GASK1A: variants seen among roughly 807,000 people sequenced by gnomAD.
GASK1A encodes the protein Golgi-associated kinase 1A.
Under a neutral mutation model 41.2 loss-of-function variants are expected in GASK1A, and 40 were observed. The ratio of observed to expected loss-of-function variants is 0.97; its 90% confidence interval spans 0.75 to 1.27. The LOEUF (loss-of-function observed/expected upper bound fraction) is 1.27, where lower values mean the gene tolerates loss of function less well. Among genes scored for constraint, GASK1A ranks in the 50% most tolerant of loss-of-function variants. The pLI, the probability that GASK1A is intolerant of heterozygous loss-of-function variation, is 0.00. For missense variants in GASK1A, 678 were observed against 745.1 expected, an observed-to-expected ratio of 0.91 and a Z score of 1.05; for synonymous variants, 316 against 307.1, an observed-to-expected ratio of 1.03 and a Z score of -0.30.
chr3:43,037,778 A>C (rs2089612679), intron 2 of GASK1A, among the ~76,000 whole-genome samples: 1 of 152,206 alleles, frequency 6.6e-6, no homozygotes, highest in African/African-American at 2.4e-5. Context: ...AAAGAAAACA[A>C]ATTTTGGCAG....
chr3:43,015,090 A>T (rs1226766414), intron 1 of GASK1A, among the ~76,000 whole-genome samples: 1 of 151,896 alleles, frequency 6.6e-6, no homozygotes, highest in Non-Finnish European at 1.5e-5. Flanking sequence ...GGCAGTGTGA[A>T]GCCACAGGAA....
chr3:43,047,225 C>A (rs1452081318), intron 2 of GASK1A, among the ~76,000 whole-genome samples: 1 of 152,206 alleles, frequency 6.6e-6, no homozygotes, highest in Admixed American at 6.5e-5. Context: ...CCGGTGAGAG[C>A]AGTCAGGAGG....
intron 1 of GASK1A, among the ~76,000 whole-genome samples, chr3:42,993,941 A>G (rs2089355379): frequency 6.6e-6 from 1 of 152,288 alleles, no homozygotes. Context: ...TCATCCTTTC[A>G]ATGTTAAGAC....
Position 43,032,442 on chromosome 3 carries a change from T to G in GASK1A, c.179T>G (p.Ile60Ser). The change falls in exon 2 of 5, where the codon ATC (isoleucine) becomes AGC (serine). Residue 60 changes from isoleucine to serine, a missense_variant. Physicochemically the swap from Ile to Ser is moderately radical, Grantham distance 142. Transcript: ENST00000430121. ...QGVTGAPATH[I>S]RQALSSSRRQ... ...GTAACTGGCGCCCCTGCAACCCATA[T>G]CCGGCAGGCTTTGAGCTCCAGCCGG... 1.9e-6 allele frequency: 3 copies of G among 1,551,046 alleles called. No individual in the cohort carries two copies. The highest frequency in any genetic ancestry group is 2.6e-6 in the Non-Finnish European group (3 of 1,146,538).
intron 3 of GASK1A, among the ~76,000 whole-genome samples, chr3:43,054,658 C>G (rs2089707606): frequency 6.6e-6 from 1 of 152,142 alleles, no homozygotes; most frequent in Non-Finnish European, 1.5e-5. Flanking sequence ...CTTTTGGAGG[C>G]TATTTGGGAA....
At chr3:43,027,646 C>A (rs1352883675) in intron 1 of GASK1A, among the ~76,000 whole-genome samples, 1 of 151,820 alleles carries the variant, frequency 6.6e-6, no homozygotes, top group Admixed American at 6.6e-5. Context: ...AAGAACCAGA[C>A]AATTAAGGGC....
intron 1 of GASK1A, among the ~76,000 whole-genome samples, chr3:43,005,669 G>A (rs2089432387): frequency 6.6e-6 from 1 of 152,166 alleles, no homozygotes. Context: ...TAAGTGAGAA[G>A]ATGAAAGTTT....
At chr3:42,994,678 A>G (rs1218086592) in intron 1 of GASK1A, among the ~76,000 whole-genome samples, 1 of 152,146 alleles carries the variant, frequency 6.6e-6, no homozygotes, top group Non-Finnish European at 1.5e-5. Context: ...AGACACTGCC[A>G]GGCACTTCTC....
chr3:43,017,091 A>G (rs1460579165), intron 1 of GASK1A, among the ~76,000 whole-genome samples: 3 of 150,912 alleles, frequency 2.0e-5, no homozygotes, highest in African/African-American at 7.3e-5. Context: ...ATGAAGTGGC[A>G]TTGTGAGGTC....
chr3:43,032,532 T>G lies in GASK1A; in HGVS notation c.269T>G (p.Val90Gly). Residue 90 changes from valine (V) to glycine (G), a missense_variant, in exon 2 of 5, where the codon GTC (valine) becomes GGC (glycine). Transcript: ENST00000430121. ...GCTTTGCCCAGGAACTCCATCTTGG[T>G]CTGTGCTGAGGAGCAAGGCCATAGA... ...SRALPRNSIL[V>G]CAEEQGHRAR... is the part of the protein sequence containing the mutation. The G allele has an allele frequency of 6.5e-7, 1 of 1,549,608 alleles. No individual in the cohort carries two copies. The highest frequency in any genetic ancestry group is 8.7e-7 in the Non-Finnish European group (1 of 1,145,272).
intron 1 of GASK1A, among the ~76,000 whole-genome samples, chr3:43,029,932 C>G (rs1412187313): frequency 6.6e-6 from 1 of 152,194 alleles, no homozygotes. Context: ...GGCGGCATTC[C>G]TCCAGGCCAT....
At chr3:42,981,348 C>T (rs1186473106) in intron 1 of GASK1A, among the ~76,000 whole-genome samples, 19 of 152,124 alleles carry the variant, frequency 1.2e-4, no homozygotes, top group Admixed American at 1.2e-3. Flanking sequence ...CTGGCACTGG[C>T]TAGAAGCAGC....
chr3:43,002,079 A>T (rs1179894090), intron 1 of GASK1A, among the ~76,000 whole-genome samples: 1 of 152,306 alleles, frequency 6.6e-6, no homozygotes, highest in East Asian at 1.9e-4. Context: ...GTTAATCATT[A>T]CTGGTCTCCT....
chr3:43,039,384 G>A (rs2089624179), intron 2 of GASK1A, among the ~76,000 whole-genome samples: 2 of 151,942 alleles, frequency 1.3e-5, no homozygotes, highest in African/African-American at 4.8e-5. Flanking sequence ...TGTATTTTTA[G>A]TAGAGACACG....
At chr3:43,009,592 C>T (rs1004145081) in intron 1 of GASK1A, among the ~76,000 whole-genome samples, 1 of 152,186 alleles carries the variant, frequency 6.6e-6, no homozygotes, top group African/African-American at 2.4e-5. Flanking sequence ...ATTTTGAAGT[C>T]TCTTTTTCGA....
chr3:42,980,838 T>C (rs887346548), intron 1 of GASK1A, among the ~76,000 whole-genome samples: 1 of 152,036 alleles, frequency 6.6e-6, no homozygotes, highest in Non-Finnish European at 1.5e-5. Flanking sequence ...GGGGGAATGA[T>C]TGGGGGTACA....
intron 1 of GASK1A, among the ~76,000 whole-genome samples, chr3:43,003,873 CA>C (rs999442167): frequency 1.3e-5 from 2 of 152,110 alleles, no homozygotes; most frequent in African/African-American, 4.8e-5. Context: ...GGTGTATGAC[CA>C]AAAAGTTTTG....
intron 1 of GASK1A, among the ~76,000 whole-genome samples, chr3:43,017,275 G>T (rs1426635276): frequency 6.6e-6 from 1 of 151,906 alleles, no homozygotes; most frequent in African/African-American, 2.4e-5. Context: ...GGGGCAATGT[G>T]AAGTCACAGG....
chr3:42,985,650 G>T (rs2089305337), intron 1 of GASK1A, among the ~76,000 whole-genome samples: 2 of 151,348 alleles, frequency 1.3e-5, no homozygotes, highest in South Asian at 4.2e-4. Flanking sequence ...ACAAGGAAAT[G>T]CTTCAGCCCT....
Sources: allele counts gnomAD v4.1 joint callset (sites outside exome capture counted in the v4.1 genomes callset), GRCh38; gene constraint gnomAD v4.1.1; transcripts MANE v1.5; gene names NCBI Gene and HGNC (gene_info 2026-07-23, HGNC 2026-07-21).